The following CCDC159 variants were observed in gnomAD, a reference collection of about 807,000 sequenced individuals.
CCDC159 encodes the protein coiled-coil domain containing 159.
In CCDC159, 40 loss-of-function variants were observed where a neutral mutation model predicts 50.9. The ratio of observed to expected loss-of-function variants is 0.79; its 90% CI spans 0.61 to 1.02. The LOEUF (loss-of-function observed/expected upper bound fraction) is 1.02, where lower values mean the gene tolerates loss of function less well. Among genes scored for constraint, CCDC159 ranks in the 50% least tolerant of loss-of-function variants. The pLI, the probability that CCDC159 is intolerant of heterozygous loss-of-function variation, is 0.00. For synonymous variants in CCDC159, 146 were observed against 138.9 expected (o/e 1.05, Z -0.36); for missense variants, 356 against 371.5 (o/e 0.96, Z 0.34).
In CCDC159 at chr19:11,348,997, A is replaced by G. The variant is rs565840659; in HGVS notation, c.22-657A>G. Reference sequence around the variant, plus strand: ...CCTCGGACAAGGCTCTGGAGCGTACAGCTCACTGGTCCAGGACTCCAGAGC... The same window carrying G: ...CCTCGGACAAGGCTCTGGAGCGTACGGCTCACTGGTCCAGGACTCCAGAGC... On this transcript the variant is annotated intron_variant, in intron 1 of 10. Coordinates refer to ENST00000458408, the MANE Select transcript of CCDC159 (RefSeq NM_001080503.3). 34 of 1,339,196 alleles carry G rather than the reference A, an allele frequency of 2.5e-5. No individual in the cohort carries two copies. The East Asian group carries it at 1.2e-3, about 48-fold the overall frequency. The allele number at this position is 1,339,196 out of a possible 1,614,324, so 83.0% of individuals were successfully genotyped here. A position where few individuals can be genotyped will look rare whatever the true frequency, so the allele number is the denominator to read the frequency against.
chr19:11,347,367 G>C (rs1411921360), intron 1 of CCDC159, among the ~76,000 whole-genome samples: 2 of 152,160 alleles, frequency 1.3e-5, no homozygotes, highest in East Asian at 1.9e-4. Flanking sequence ...TTTCGCTCTC[G>C]TTGCCCGGGC....
At chr19:11,347,698 T>C (rs1201738393) in intron 1 of CCDC159, among the ~76,000 whole-genome samples, 2 of 152,078 alleles carry the variant, frequency 1.3e-5, no homozygotes, top group African/African-American at 4.8e-5. Context: ...CTGGCAAGGG[T>C]GACAGAGAGA....
chr19:11,354,430 T>C lies in CCDC159; in HGVS notation c.773-150T>C, dbSNP rs1023268416. On this transcript the variant is annotated intron_variant, in intron 9 of 10. Coordinates refer to ENST00000458408, the MANE Select transcript of CCDC159 (RefSeq NM_001080503.3). ...CAATTGGGTAAAATGCAAGGGTCAT[T>C]GAAGTCATAATTTGGTGTCACACTG... The C allele has an allele frequency of 9.7e-6, 7 of 724,756 alleles. No homozygotes were observed. In the African/African-American group the frequency reaches 1.1e-4, roughly 11 times the overall value. The allele number at this position is 724,756 out of a possible 1,614,324, so 44.9% of individuals were successfully genotyped here.
Position 11,350,120 on chromosome 19 carries a change from T to C in CCDC159, c.147T>C (p.Ala49=). The part of the protein sequence containing the change: ...LKSQLQAQTK[A]FEFLNHSVTM... ...CAAGGCTGACCTCTTTCCCCCAGGCTTTCGAGTTCCTGAACCACTCAGTGA... is the reference window on the plus strand; with the variant it reads ...CAAGGCTGACCTCTTTCCCCCAGGCCTTCGAGTTCCTGAACCACTCAGTGA... Residue 49 remains alanine, a splice_region_variant and synonymous_variant, in exon 4 of 11, where the codon GCT becomes GCC. Coordinates refer to ENST00000458408, the MANE Select transcript of CCDC159 (RefSeq NM_001080503.3). The C allele has an allele frequency of 6.2e-7, 1 of 1,613,526 alleles. No individual in the cohort carries two copies. The highest frequency in any genetic ancestry group is 8.5e-7 in the Non-Finnish European group (1 of 1,179,778).
chr19:11,352,804 G>A (rs1224805461), intron 7 of CCDC159, among the ~76,000 whole-genome samples: 1 of 151,996 alleles, frequency 6.6e-6, no homozygotes, highest in East Asian at 1.9e-4. Flanking sequence ...GGTGGCACAT[G>A]CCTGTAGACT....
chr19:11,349,983 G>A lies in CCDC159; in HGVS notation c.101G>A (p.Cys34Tyr). 1 of 1,613,812 alleles carries A rather than the reference G, an allele frequency of 6.2e-7. No homozygotes were observed. The highest frequency in any genetic ancestry group is 1.1e-5 in the South Asian group (1 of 91,056). ...MIPDSQKLLR[C>Y]ELESLKSQLQ... ...CCCGACTCCCAGAAGCTCCTGCGAT[G>A]TGAACTTGAGTCACTCAAGAGCCAG... Residue 34 changes from cysteine (C) to tyrosine (Y), a missense_variant, in exon 3 of 11, where the codon TGT (cysteine) becomes TAT (tyrosine). Transcript: ENST00000458408.
At chr19:11,353,653 C>T in intron 8 of CCDC159, 81 bp downstream of exon 8, 1 of 1,596,068 alleles carries the variant, frequency 6.3e-7, no homozygotes, top group Non-Finnish European at 8.6e-7. Flanking sequence ...ACCACCAGAA[C>T]CTGGAGCCCA....
At position 11,350,144 on chromosome 19, in the gene CCDC159, G is replaced by T; in HGVS notation, c.171G>T (p.Val57=). Residue 57 remains valine, a synonymous_variant, in exon 4 of 11, where the codon GTG becomes GTT. Coordinates refer to ENST00000458408, the MANE Select transcript of CCDC159 (RefSeq NM_001080503.3). ...CTTTCGAGTTCCTGAACCACTCAGTGACCATGTTGGAGAAGGAGAGCTGCT... is the reference window on the plus strand; with the variant it reads ...CTTTCGAGTTCCTGAACCACTCAGTTACCATGTTGGAGAAGGAGAGCTGCT... The part of the protein sequence containing the change: ...TKAFEFLNHS[V]TMLEKESCLQ... The T allele has an allele frequency of 6.2e-7, 1 of 1,613,554 alleles. No homozygotes were observed. Among genetic ancestry groups the T allele is most frequent in the South Asian group, 1.1e-5 (1 of 90,984 alleles).
chr19:11,353,347 G>A (rs1292775478), intron 7 of CCDC159, 104 bp from the exon 8 acceptor site: 5 of 1,221,612 alleles, frequency 4.1e-6, no homozygotes, highest in African/African-American at 1.5e-5. Flanking sequence ...TGATCTGCCC[G>A]CCTCGGCCTC....
intron 5 of CCDC159, 162 bp downstream of exon 5, chr19:11,351,165 G>A: frequency 1.4e-6 from 1 of 727,180 alleles, no homozygotes; most frequent in Non-Finnish European, 2.2e-6. Flanking sequence ...GGCCGGGTGT[G>A]GTGGCTCATG....
chr19:11,349,360 A>G (rs1967445227), intron 1 of CCDC159: 1 of 492,056 alleles, frequency 2.0e-6, no homozygotes, highest in Non-Finnish European at 3.6e-6. Flanking sequence ...CTGGCTAAGC[A>G]AGTCTTAAAT....
At chr19:11,351,180 T>A in intron 5 of CCDC159, 177 bp downstream of exon 5, 1 of 653,822 alleles carries the variant, frequency 1.5e-6, no homozygotes, top group Non-Finnish European at 2.5e-6. Flanking sequence ...CTCATGCCTG[T>A]AATCCCAGCA....
intron 4 of CCDC159, 33 bp downstream of exon 4, chr19:11,350,232 G>C (rs771805096): frequency 7.6e-6 from 12 of 1,580,526 alleles, no homozygotes; most frequent in Non-Finnish European, 1.0e-5. Flanking sequence ...GGTCAGGCTA[G>C]GCCAGGCGTG....
intron 7 of CCDC159, among the ~76,000 whole-genome samples, chr19:11,352,950 A>G (rs910406420): frequency 1.3e-5 from 2 of 148,782 alleles, no homozygotes; most frequent in African/African-American, 4.9e-5. Flanking sequence ...ACAAACACCA[A>G]AAACAAAAAC....
chr19:11,346,723 T>G, intron 1 of CCDC159, 96 bp downstream of exon 1: 1 of 1,400,744 alleles, frequency 7.1e-7, no homozygotes, highest in Non-Finnish European at 9.8e-7. Context: ...CCCTAAATAA[T>G]TCTCCCGGGA....
intron 5 of CCDC159, 61 bp from the exon 6 acceptor site, chr19:11,351,845 G>A (rs574050707): frequency 1.4e-6 from 2 of 1,470,160 alleles, no homozygotes; most frequent in African/African-American, 1.4e-5. Context: ...GGCACAGATA[G>A]GGGCATGGGA....
intron 1 of CCDC159, chr19:11,348,293 G>A (rs1423804394): frequency 5.3e-6 from 2 of 376,512 alleles, no homozygotes; most frequent in East Asian, 7.3e-5. Context: ...TTTTGTTGTT[G>A]TTTTTTATTT....
intron 1 of CCDC159, chr19:11,348,025 T>C (rs1456095573): frequency 9.3e-6 from 4 of 430,120 alleles, no homozygotes; most frequent in Non-Finnish European, 1.9e-5. Flanking sequence ...GTCAATGCCT[T>C]ACTGGAGCTG....
intron 4 of CCDC159, 147 bp from the exon 5 acceptor site, chr19:11,350,661 A>C (rs1022944536): frequency 1.3e-6 from 1 of 751,182 alleles, no homozygotes; most frequent in African/African-American, 1.8e-5. Context: ...AAAGAAAAAA[A>C]GTCAGGCTGG....
Sources: allele counts gnomAD v4.1 joint callset (sites outside exome capture counted in the v4.1 genomes callset), GRCh38; gene constraint gnomAD v4.1.1; transcripts MANE v1.5; gene names NCBI Gene and HGNC (gene_info 2026-07-23, HGNC 2026-07-21).